The following TENT4A variants were observed in gnomAD, a reference collection of about 807,000 sequenced individuals.
TENT4A encodes DNA polymerase kappa.
Under a neutral mutation model 72.8 loss-of-function variants are expected in TENT4A, and 7 were observed. The observed-to-expected ratio is 0.10, with a 90% CI of 0.05 to 0.18. The LOEUF (loss-of-function observed/expected upper bound fraction) is 0.18. Among genes scored for constraint, TENT4A ranks in the 10% least tolerant of loss-of-function variants. The pLI is 1.00. For missense variants in TENT4A, 831 were observed against 1,017.7 expected (o/e 0.82, Z 2.50); for synonymous variants, 456 against 434.3 (o/e 1.05, Z -0.62).
In TENT4A at chr5:6,748,495, C is replaced by T; in HGVS notation, c.1491C>T (p.Ala497=). 1 of 1,614,142 alleles carries T rather than the reference C, an allele frequency of 6.2e-7. No individual in the cohort carries two copies. Among genetic ancestry groups the T allele is most frequent in the Non-Finnish European group, 8.5e-7 (1 of 1,180,024 alleles). ...ACGTTGGCCGGAGCTCCTATGGCGCCATGCAGGTGAAGCAGGTCTTCGATT... is the reference window on the plus strand; with the variant it reads ...ACGTTGGCCGGAGCTCCTATGGCGCTATGCAGGTGAAGCAGGTCTTCGATT... ...GNDVGRSSYG[A]MQVKQVFDYA... is the part of the protein sequence containing the mutation. Residue 497 remains alanine, a synonymous_variant, in exon 8 of 13, where the codon GCC becomes GCT. Transcript: ENST00000230859.
At chr5:6,746,094 G>T (rs967629211) in intron 6 of TENT4A, 120 bp from the exon 7 acceptor site, 2 of 1,548,490 alleles carry the variant, frequency 1.3e-6, no homozygotes, top group African/African-American at 2.8e-5. Context: ...TGGTGAGTGA[G>T]CGAGTGCCAC....
intron 1 of TENT4A, among the ~76,000 whole-genome samples, chr5:6,732,916 A>G (rs1178847074): frequency 5.3e-5 from 8 of 152,162 alleles, no homozygotes; most frequent in Admixed American, 2.6e-4. Context: ...TGCTTCATTT[A>G]TAGATCCTAC....
At chr5:6,719,363 GA>G (rs527420194) in intron 1 of TENT4A, among the ~76,000 whole-genome samples, 27 of 150,320 alleles carry the variant, frequency 1.8e-4, no homozygotes, top group Non-Finnish European at 2.8e-4. Flanking sequence ...TAAAGGTTAA[GA>G]AAAAAAAACA....
rs1740193871 is a variant in TENT4A at position 6,713,526 on chromosome 5, G to A, written c.-458G>A. 1 of 148,802 alleles carries A rather than the reference G, an allele frequency of 6.7e-6. No individual in the cohort carries two copies. The highest frequency in any genetic ancestry group is 6.7e-5 in the Admixed American group (1 of 14,960). 9.2% of individuals were successfully genotyped at this position (148,802 alleles called of 1,614,324 possible). Reference sequence around the variant, plus strand: ...AGCCAGCGGCGCGAGCGTGACTGAGGGCTAGCCGCACGGGCGGCGGCGCCT... The same window carrying A: ...AGCCAGCGGCGCGAGCGTGACTGAGAGCTAGCCGCACGGGCGGCGGCGCCT... On this transcript the variant is annotated 5_prime_UTR_variant, in exon 1 of 13. Coordinates refer to ENST00000230859, the MANE Select transcript of TENT4A (RefSeq NM_006999.6).
Position 6,748,561 on chromosome 5 carries a change from C to G in TENT4A, c.1557C>G (p.Ala519=), listed in dbSNP as rs372594990. 5.0e-6 allele frequency: 8 copies of G among 1,613,930 alleles called. No homozygotes were observed. Among genetic ancestry groups the G allele is most frequent in the Non-Finnish European group, 6.8e-6 (8 of 1,179,856 alleles). The change falls in exon 8 of 13, where the codon GCC becomes GCG. Residue 519 remains alanine (A), a synonymous_variant. Coordinates refer to ENST00000230859, the MANE Select transcript of TENT4A (RefSeq NM_006999.6). ...IVLSHAVSPL[A]RSYPNRDAES... ...TCAGCCATGCTGTGTCACCGCTGGC[C>G]AGGTCCTATCCAAACAGAGACGCCG...
chr5:6,733,342 G>T (rs899389084), intron 1 of TENT4A, among the ~76,000 whole-genome samples: 4 of 152,252 alleles, frequency 2.6e-5, no homozygotes, highest in Admixed American at 6.5e-5. Context: ...CTTTCTCATG[G>T]GGAGGGGAAT....
intron 1 of TENT4A, among the ~76,000 whole-genome samples, chr5:6,735,322 G>A (rs1267144126): frequency 2.0e-5 from 3 of 152,180 alleles, no homozygotes; most frequent in Non-Finnish European, 4.4e-5. Context: ...GCCACATGGT[G>A]TAGTGGTTTA....
chr5:6,715,884 G>C (rs1363875681), intron 1 of TENT4A, among the ~76,000 whole-genome samples: 4 of 152,174 alleles, frequency 2.6e-5, no homozygotes, highest in Non-Finnish European at 4.4e-5. Flanking sequence ...CAGGAGCGCA[G>C]ACTCCTCTTC....
chr5:6,729,322 G>A (rs186753519), intron 1 of TENT4A, among the ~76,000 whole-genome samples: 11 of 152,340 alleles, frequency 7.2e-5, no homozygotes, highest in Admixed American at 6.5e-4. Context: ...TGTTAGTAAT[G>A]TGGATATTGT....
In TENT4A at chr5:6,748,733, G is replaced by A. The variant is rs1335448620; in HGVS notation, c.1586+143G>A. The A allele has an allele frequency of 4.8e-6, 4 of 830,296 alleles. No individual in the cohort carries two copies. The African/African-American group carries it at 6.7e-5, about 14-fold the overall frequency. The allele number at this position is 830,296 out of a possible 1,614,324, so 51.4% of individuals were successfully genotyped here. ...GAATCTAGATATGTTGGTGAAGGAA[G>A]GCCTTCTAGGAATATGGGATGGCTG... On this transcript the variant is annotated intron_variant, in intron 8 of 12. Transcript: ENST00000230859.
chr5:6,731,542 C>CTTT (rs375328687), intron 1 of TENT4A, among the ~76,000 whole-genome samples: 59 of 143,952 alleles, frequency 4.1e-4, no homozygotes, highest in Non-Finnish European at 6.5e-4. Flanking sequence ...GGTGCTGAAA[C>CTTT]TTTTTTTTTT....
chr5:6,718,069 T>G (rs185512265), intron 1 of TENT4A, among the ~76,000 whole-genome samples: 14 of 152,350 alleles, frequency 9.2e-5, no homozygotes, highest in Non-Finnish European at 1.6e-4. Flanking sequence ...GCCTGCAGTG[T>G]GCAGCAGGTG....
chr5:6,742,237 C>T (rs541444115), intron 4 of TENT4A, among the ~76,000 whole-genome samples: 2 of 152,290 alleles, frequency 1.3e-5, no homozygotes, highest in Admixed American at 6.5e-5. Flanking sequence ...CCCCTCACGT[C>T]TCTTTGATGC....
Position 6,714,138 on chromosome 5 carries a change from C to T in TENT4A, c.155C>T (p.Ala52Val), listed in dbSNP as rs1740234630. Reference sequence around the variant, plus strand: ...AACTCGCCGGCGCTGGACACGGCGGCCGCGGCGGGGGCGGCCGGGCGGGGC... The same window carrying T: ...AACTCGCCGGCGCTGGACACGGCGGTCGCGGCGGGGGCGGCCGGGCGGGGC... ...CLNSPALDTA[A>V]AAGAAGRGSG... The change falls in exon 1 of 13, where the codon GCC becomes GTC. Residue 52 changes from alanine to valine, a missense_variant. Ala to Val is a moderately conservative substitution (Grantham distance 64, BLOSUM62 0). Around this residue, in one of 3 missense-constraint regions of TENT4A, gnomAD observed 302 missense variants for 293.8 expected, o/e 1.03. Transcript: ENST00000230859. The T allele has an allele frequency of 6.1e-6, 6 of 978,512 alleles. No homozygotes were observed. The highest frequency in any genetic ancestry group is 7.3e-6 in the Non-Finnish European group (6 of 827,172). 60.6% of individuals were successfully genotyped at this position (978,512 alleles called of 1,614,324 possible). A position where few individuals can be genotyped will look rare whatever the true frequency, so the allele number is the denominator to read the frequency against.
chr5:6,741,828 A>G (rs540152327), intron 4 of TENT4A, among the ~76,000 whole-genome samples: 1 of 152,298 alleles, frequency 6.6e-6, no homozygotes, highest in South Asian at 2.1e-4. Context: ...TTAATCCTTC[A>G]AGGCTGAAGG....
At chr5:6,730,913 A>G (rs758141026) in intron 1 of TENT4A, among the ~76,000 whole-genome samples, 16 of 152,222 alleles carry the variant, frequency 1.1e-4, no homozygotes, top group Non-Finnish European at 1.9e-4. Context: ...AGGATCATTG[A>G]TCCCTCAAAA....
At chr5:6,722,492 C>T (rs1740701115) in intron 1 of TENT4A, among the ~76,000 whole-genome samples, 1 of 149,148 alleles carries the variant, frequency 6.7e-6, no homozygotes, top group Non-Finnish European at 1.5e-5. Flanking sequence ...ATTTTTAAAA[C>T]ATTTTAACAA....
intron 12 of TENT4A, among the ~76,000 whole-genome samples, chr5:6,754,412 G>A (rs1227777027): frequency 6.6e-6 from 1 of 152,140 alleles, no homozygotes; most frequent in Admixed American, 6.5e-5. Flanking sequence ...CAAGTGACAT[G>A]CCTGCCTCGG....
At chr5:6,738,631 G>A in intron 2 of TENT4A, 52 bp from the exon 3 acceptor site, 1 of 1,333,056 alleles carries the variant, frequency 7.5e-7, no homozygotes, top group Non-Finnish European at 1.1e-6. Flanking sequence ...TAATGGTAGT[G>A]TGACTGCTTG....
Sources: allele counts gnomAD v4.1 joint callset (sites outside exome capture counted in the v4.1 genomes callset), GRCh38; gene constraint gnomAD v4.1.1; regional missense constraint gnomAD v4.1.1; transcripts MANE v1.5; gene names NCBI Gene and HGNC (gene_info 2026-07-23, HGNC 2026-07-21).